Variants in KLHL8 observed in about 807,000 individuals in gnomAD.
The protein encoded by KLHL8 is kelch like family member 8, also known as kelch-like protein 8.
KLHL8 carries 38 observed loss-of-function variants against 63.5 expected under a neutral mutation model. The ratio of observed to expected loss-of-function variants is 0.60; its 90% CI spans 0.46 to 0.78. The LOEUF (loss-of-function observed/expected upper bound fraction) is 0.78, where lower values mean the gene tolerates loss of function less well. Ranked by LOEUF, KLHL8 falls within the 30% of genes least tolerant of loss-of-function variation. The probability of loss-of-function intolerance (pLI) is 0.00; values close to 1 mark genes in which losing one functional copy is unlikely to be tolerated. For synonymous variants in KLHL8, 224 were observed against 254.3 expected, an observed-to-expected ratio of 0.88 and a Z score of 1.13; for missense variants, 566 against 752.4, an observed-to-expected ratio of 0.75 and a Z score of 2.90.
At chr4:87,207,534 CT>C in intron 1 of KLHL8, 1 of 989,320 alleles carries the variant, frequency 1.0e-6, no homozygotes. Flanking sequence ...TCAGCAATGC[CT>C]TCTGCACCAC....
intron 1 of KLHL8, among the ~76,000 whole-genome samples, chr4:87,215,397 C>T (rs1732558393): frequency 6.6e-6 from 1 of 152,200 alleles, no homozygotes; most frequent in African/African-American, 2.4e-5. Flanking sequence ...AAGAACCACA[C>T]TTCTGCTACT....
At chr4:87,208,636 G>A (rs1364701070) in intron 1 of KLHL8, among the ~76,000 whole-genome samples, 7 of 152,048 alleles carry the variant, frequency 4.6e-5, no homozygotes, top group Non-Finnish European at 1.0e-4. Flanking sequence ...CTGCGCCCAG[G>A]AGTCTTCTTT....
intron 1 of KLHL8, among the ~76,000 whole-genome samples, chr4:87,212,984 T>C (rs1732466160): frequency 6.6e-6 from 1 of 152,256 alleles, no homozygotes; most frequent in African/African-American, 2.4e-5. Context: ...CACGCAATAT[T>C]AGATACTACT....
At chr4:87,211,448 T>C (rs904679672) in intron 1 of KLHL8, among the ~76,000 whole-genome samples, 1 of 152,208 alleles carries the variant, frequency 6.6e-6, no homozygotes, top group African/African-American at 2.4e-5. Context: ...CAATAGTTCC[T>C]ACTCAAAGTA....
intron 1 of KLHL8, among the ~76,000 whole-genome samples, chr4:87,231,690 A>G (rs1357134585): frequency 6.6e-6 from 1 of 151,834 alleles, no homozygotes; most frequent in Non-Finnish European, 1.5e-5. Context: ...TCTGCCTCCC[A>G]GGTTCAAGCG....
At chr4:87,164,635 A>G (rs962937459) in intron 8 of KLHL8, among the ~76,000 whole-genome samples, 2 of 152,156 alleles carry the variant, frequency 1.3e-5, no homozygotes, top group Non-Finnish European at 2.9e-5. Flanking sequence ...TTTTCCTCCT[A>G]CATATTCCAG....
rs1044458612 is a variant in KLHL8 at position 87,233,020 on chromosome 4, T to C, written n.57+7238A>G. Among the ~76,000 whole-genome samples, 8 of 152,106 alleles carry C rather than the reference T, an allele frequency of 5.3e-5. No homozygotes were observed. In the South Asian group the frequency reaches 1.4e-3, roughly 28 times the overall value. On this transcript the variant is annotated intron_variant and non_coding_transcript_variant, in intron 1 of 1. Transcript: ENST00000506274. ...ACTTTTTAGTGATATCTTTTGATAA[T>C]CTTGCTTTCCAATGGTATCTTTTTA... is the stretch of plus-strand genomic sequence containing the variant.
chr4:87,210,037 T>G (rs2110042856), intron 1 of KLHL8, among the ~76,000 whole-genome samples: 1 of 152,178 alleles, frequency 6.6e-6, no homozygotes, highest in East Asian at 1.9e-4. Flanking sequence ...TTTGTATTTT[T>G]TGTAGAGATG....
chr4:87,209,655 T>A (rs567817888), intron 1 of KLHL8, among the ~76,000 whole-genome samples: 2 of 152,218 alleles, frequency 1.3e-5, no homozygotes, highest in Non-Finnish European at 2.9e-5. Flanking sequence ...TTTGTACTTA[T>A]AATTTCTATC....
At chr4:87,192,705 C>T (rs748568120) in intron 2 of KLHL8, among the ~76,000 whole-genome samples, 3 of 151,844 alleles carry the variant, frequency 2.0e-5, no homozygotes, top group Non-Finnish European at 4.4e-5. Flanking sequence ...GCAAATATCA[C>T]AGAATGTACT....
At chr4:87,231,441 T>C (rs1733136223) in intron 1 of KLHL8, among the ~76,000 whole-genome samples, 1 of 152,134 alleles carries the variant, frequency 6.6e-6, no homozygotes. Context: ...TGCCTCAACA[T>C]GCCACCTGCA....
In KLHL8 at chr4:87,184,076, A is replaced by G. The variant is rs191449689; in HGVS notation, c.766-687T>C. On this transcript the variant is annotated intron_variant, in intron 3 of 9. Coordinates refer to ENST00000273963, the MANE Select transcript of KLHL8 (RefSeq NM_020803.5). ...GGGTTGAGTCCAGTCTCTCTCCCCAACTGCAAGACTTCGTTGCAGCAGTCC... is the reference window on the plus strand; with the variant it reads ...GGGTTGAGTCCAGTCTCTCTCCCCAGCTGCAAGACTTCGTTGCAGCAGTCC... Among the ~76,000 whole-genome samples, 97 of 152,316 alleles carry G rather than the reference A, an allele frequency of 6.4e-4. No homozygotes were observed. In the East Asian group the frequency reaches 0.017, roughly 26 times the overall value.
rs374666736 is a variant in KLHL8 at position 87,170,233 on chromosome 4, A to G, written c.1383T>C (p.His461=). The G allele has an allele frequency of 1.2e-6, 2 of 1,606,812 alleles. No individual in the cohort carries two copies. Among genetic ancestry groups the G allele is most frequent in the Non-Finnish European group, 1.7e-6 (2 of 1,177,472 alleles). The change falls in exon 8 of 10, where the codon CAT becomes CAC. Residue 461 remains histidine, a synonymous_variant. Transcript: ENST00000273963. Reference sequence around the variant, plus strand: ...CATCATTGCCACCTACTGCATAAACATGGTTCTAAATGAAGAGAGTCAAAC... The same window carrying G: ...CATCATTGCCACCTACTGCATAAACGTGGTTCTAAATGAAGAGAGTCAAAC... ...GGVGSVALVN[H]VYAVGGNDGM...
chr4:87,195,740 T>A, intron 1 of KLHL8, 50 bp from the exon 2 acceptor site: 2 of 478,120 alleles, frequency 4.2e-6, no homozygotes, highest in African/African-American at 2.0e-5. Context: ...AGAAAAAAAT[T>A]ATTGTTAACT....
In KLHL8 at chr4:87,195,532, G is replaced by A. The variant is rs373062109; in HGVS notation, c.8C>T (p.Ser3Leu). The A allele has an allele frequency of 5.0e-6, 8 of 1,612,084 alleles. No homozygotes were observed. In the African/African-American group the frequency reaches 9.4e-5, roughly 19 times the overall value. Residue 3 changes from serine (S) to leucine (L), a missense_variant, in exon 2 of 10, where the codon TCA (serine) becomes TTA (leucine). Transcript: ENST00000273963. ...AGCTTGTTTACTACTCATAGAATCTGAAGCCATTTGCAATATTCCTCTTTT... is the reference window on the plus strand; with the variant it reads ...AGCTTGTTTACTACTCATAGAATCTAAAGCCATTTGCAATATTCCTCTTTT... MASDSMSSKQARN... is the reference protein window; with the variant it reads MALDSMSSKQARN...
At chr4:87,196,074 C>T (rs1400690984) in intron 1 of KLHL8, among the ~76,000 whole-genome samples, 1 of 151,994 alleles carries the variant, frequency 6.6e-6, no homozygotes, top group Non-Finnish European at 1.5e-5. Context: ...CTAGGCCTCT[C>T]AAAGTGCTGG....
At chr4:87,182,925 T>G (rs530117889) in intron 4 of KLHL8, among the ~76,000 whole-genome samples, 1 of 152,272 alleles carries the variant, frequency 6.6e-6, no homozygotes, top group Non-Finnish European at 1.5e-5. Flanking sequence ...TGCAACATAG[T>G]AAACCAAGTT....
intron 6 of KLHL8, among the ~76,000 whole-genome samples, chr4:87,175,774 T>C (rs894907180): frequency 3.3e-5 from 5 of 152,204 alleles, no homozygotes; most frequent in African/African-American, 9.6e-5. Context: ...AACATAAATA[T>C]GTAAATGAGA....
chr4:87,185,226 T>C, intron 3 of KLHL8, 25 bp downstream of exon 3: 1 of 1,572,288 alleles, frequency 6.4e-7, no homozygotes, highest in South Asian at 1.2e-5. Context: ...TTCATTTCTG[T>C]GTGAAATCTT....
Sources: allele counts gnomAD v4.1 joint callset (sites outside exome capture counted in the v4.1 genomes callset), GRCh38; gene constraint gnomAD v4.1.1; transcripts MANE v1.5; gene names NCBI Gene and HGNC (gene_info 2026-07-23, HGNC 2026-07-21).